Variants in PRKCA observed in about 807,000 individuals in gnomAD.
PRKCA encodes the protein protein kinase C alpha.
Under a neutral mutation model 87.0 loss-of-function variants are expected in PRKCA, and 27 were observed. The observed-to-expected ratio is 0.31, with a 90% CI of 0.23 to 0.43. PRKCA has a LOEUF of 0.43. Ranked by LOEUF, PRKCA falls within the 20% of genes least tolerant of loss-of-function variation. The pLI, the probability that PRKCA is intolerant of heterozygous loss-of-function variation, is 1.00. For synonymous variants in PRKCA, 329 were observed against 311.1 expected (o/e 1.06, Z -0.61); for missense variants, 518 against 852.3 (o/e 0.61, Z 4.88).
chr17:66,506,115 G>A (rs1036874761), intron 3 of PRKCA, among the ~76,000 whole-genome samples: 7 of 152,110 alleles, frequency 4.6e-5, no homozygotes, highest in Non-Finnish European at 1.0e-4. Flanking sequence ...GGCCAACATG[G>A]TGAAACTCCA....
intron 2 of PRKCA, among the ~76,000 whole-genome samples, chr17:66,471,883 G>A (rs565260588): frequency 6.6e-6 from 1 of 152,034 alleles, no homozygotes; most frequent in Non-Finnish European, 1.5e-5. Flanking sequence ...GGGTGGGGCC[G>A]GGCAAATGCA....
At chr17:66,617,750 T>C (rs1970554750) in intron 3 of PRKCA, among the ~76,000 whole-genome samples, 1 of 152,206 alleles carries the variant, frequency 6.6e-6, no homozygotes, top group Non-Finnish European at 1.5e-5. Flanking sequence ...TATAAAGTTC[T>C]CATGAAGAAC....
intron 16 of PRKCA, among the ~76,000 whole-genome samples, chr17:66,801,312 A>T (rs1471723379): frequency 6.6e-6 from 1 of 152,180 alleles, no homozygotes; most frequent in South Asian, 2.1e-4. Context: ...GCCTTGCAGG[A>T]TGTTCCACAC....
At chr17:66,625,514 G>C (rs1970828656) in intron 3 of PRKCA, among the ~76,000 whole-genome samples, 2 of 152,166 alleles carry the variant, frequency 1.3e-5, no homozygotes, top group South Asian at 4.1e-4. Flanking sequence ...GCAGTAGTAG[G>C]AATAGAAATC....
chr17:66,521,669 G>A (rs1365312889), intron 3 of PRKCA, among the ~76,000 whole-genome samples: 1 of 152,170 alleles, frequency 6.6e-6, no homozygotes, highest in Non-Finnish European at 1.5e-5. Flanking sequence ...TTAAGTTACA[G>A]TAAATATTGA....
At chr17:66,717,730 G>A (rs1023459564) in intron 8 of PRKCA, among the ~76,000 whole-genome samples, 2 of 152,218 alleles carry the variant, frequency 1.3e-5, no homozygotes, top group African/African-American at 4.8e-5. Context: ...AGAGGCTGTG[G>A]TGAAGTTAGC....
chr17:66,736,424 G>A (rs112865118), intron 10 of PRKCA, among the ~76,000 whole-genome samples: 10,852 of 151,830 alleles, frequency 0.071, 899 homozygotes, highest in African/African-American at 0.2. Context: ...ATTACAGGCC[G>A]CTGCCACCAC....
intron 2 of PRKCA, among the ~76,000 whole-genome samples, chr17:66,332,849 G>A (rs529383129): frequency 2.0e-5 from 3 of 151,926 alleles, no homozygotes; most frequent in Non-Finnish European, 4.4e-5. Context: ...CCGCCACCAC[G>A]CCTGGCTAAT....
At chr17:66,467,263 A>G (rs1292044925) in intron 2 of PRKCA, among the ~76,000 whole-genome samples, 2 of 152,162 alleles carry the variant, frequency 1.3e-5, no homozygotes, top group Admixed American at 6.5e-5. Context: ...CAGGAATTCC[A>G]AAGTGTATGA....
intron 2 of PRKCA, among the ~76,000 whole-genome samples, chr17:66,439,630 T>C (rs1913612842): frequency 6.6e-6 from 1 of 152,218 alleles, no homozygotes; most frequent in Non-Finnish European, 1.5e-5. Context: ...CTCTGTGCTT[T>C]ACAGTTTGAG....
intron 13 of PRKCA, among the ~76,000 whole-genome samples, chr17:66,753,940 T>C (rs1236968628): frequency 6.6e-6 from 1 of 152,122 alleles, no homozygotes; most frequent in Non-Finnish European, 1.5e-5. Context: ...TGTGGTGTTT[T>C]ATAAGGGTAG....
At chr17:66,467,825 T>C (rs1039014139) in intron 2 of PRKCA, among the ~76,000 whole-genome samples, 6 of 151,940 alleles carry the variant, frequency 3.9e-5, no homozygotes, top group South Asian at 2.1e-4. Context: ...TCCAAAGTGC[T>C]AGGATTACAG....
intron 2 of PRKCA, among the ~76,000 whole-genome samples, chr17:66,431,422 G>T (rs1913093684): frequency 6.6e-6 from 1 of 152,056 alleles, no homozygotes; most frequent in Non-Finnish European, 1.5e-5. Flanking sequence ...TTTCTTAATG[G>T]AACAAGCACG....
intron 13 of PRKCA, among the ~76,000 whole-genome samples, chr17:66,770,178 T>A (rs961245619): frequency 1.1e-4 from 16 of 152,210 alleles, no homozygotes; most frequent in Middle Eastern, 3.2e-3. Flanking sequence ...TCCAAGTATG[T>A]GTAAGTTCAT....
chr17:66,735,435 G>GC (rs1974001028), intron 9 of PRKCA, 54 bp from the exon 10 acceptor site: 7 of 1,604,544 alleles, frequency 4.4e-6, no homozygotes, highest in South Asian at 1.1e-5. Flanking sequence ...CCTTCCCTCT[G>GC]CCCCCCAAGA....
intron 2 of PRKCA, among the ~76,000 whole-genome samples, chr17:66,453,525 C>G (rs922674407): frequency 3.9e-5 from 6 of 152,016 alleles, no homozygotes; most frequent in Admixed American, 1.3e-4. Context: ...GCCATGTTGA[C>G]CAGGCTGGTC....
At chr17:66,510,907 CG>C (rs1418929692) in intron 3 of PRKCA, among the ~76,000 whole-genome samples, 2 of 152,006 alleles carry the variant, frequency 1.3e-5, no homozygotes, top group Non-Finnish European at 2.9e-5. Context: ...CCACCATGCC[CG>C]GCTAATTTTC....
intron 3 of PRKCA, among the ~76,000 whole-genome samples, chr17:66,517,024 G>A (rs1025036638): frequency 5.3e-5 from 8 of 152,148 alleles, no homozygotes; most frequent in African/African-American, 7.2e-5. Context: ...GGTGGTTCAC[G>A]CCTGTAATCC....
chr17:66,653,634 C>T (rs1221909938), intron 5 of PRKCA, among the ~76,000 whole-genome samples: 7 of 152,078 alleles, frequency 4.6e-5, no homozygotes. Flanking sequence ...AAAGCTGTTG[C>T]TTATTGTATA....
Sources: allele counts gnomAD v4.1 joint callset (sites outside exome capture counted in the v4.1 genomes callset), GRCh38; gene constraint gnomAD v4.1.1; transcripts MANE v1.5; gene names NCBI Gene and HGNC (gene_info 2026-07-23, HGNC 2026-07-21).